SLC5A8: variants seen among roughly 807,000 people sequenced by gnomAD.
The protein encoded by SLC5A8 is sodium-coupled monocarboxylate transporter 1.
A neutral mutation model predicts 71.9 loss-of-function variants in SLC5A8; 55 were observed. That is an observed-to-expected ratio of 0.77 (90% CI 0.62 to 0.96). The LOEUF (loss-of-function observed/expected upper bound fraction) is 0.96. Among genes scored for constraint, SLC5A8 ranks in the 40% least tolerant of loss-of-function variants. The pLI, the probability that SLC5A8 is intolerant of heterozygous loss-of-function variation, is 0.00. For synonymous variants in SLC5A8, 307 were observed against 276.1 expected, an observed-to-expected ratio of 1.11 and a Z score of -1.11; for missense variants, 701 against 745.3, an observed-to-expected ratio of 0.94 and a Z score of 0.69.
intron 7 of SLC5A8, among the ~76,000 whole-genome samples, chr12:101,184,544 T>C (rs1342239540): frequency 1.3e-5 from 2 of 152,226 alleles, no homozygotes; most frequent in Admixed American, 6.5e-5. Flanking sequence ...TTAGATAATT[T>C]ATGTAAAACT....
chr12:101,188,744 C>A (rs1440794459), intron 6 of SLC5A8, among the ~76,000 whole-genome samples: 1 of 152,186 alleles, frequency 6.6e-6, no homozygotes, highest in East Asian at 1.9e-4. Flanking sequence ...TCAGATTTAT[C>A]CTTCTCCCTT....
chr12:101,185,582 TTTTG>T (rs935312888), intron 7 of SLC5A8, among the ~76,000 whole-genome samples: 216 of 152,146 alleles, frequency 1.4e-3, no homozygotes, highest in African/African-American at 5.0e-3. Context: ...TTTTTGTATT[TTTTG>T]TTTGTTTGTT....
chr12:101,194,728 C>T (rs1186316826), intron 4 of SLC5A8, among the ~76,000 whole-genome samples: 5 of 152,120 alleles, frequency 3.3e-5, no homozygotes, highest in Admixed American at 6.6e-5. Context: ...CCTTCCACCT[C>T]GGCCTCCCAA....
chr12:101,202,211 A>G lies in SLC5A8; in HGVS notation c.422T>C (p.Leu141Pro). ...GGCATAAATAACAATTCCAGTATAC[A>G]GAATCTAGGGGGGAGAAAGAAAGCC... is the stretch of plus-strand genomic sequence containing the variant. ...GTVLFIVQTILYTGIVIYAPA... is the reference protein window; with the variant it reads ...GTVLFIVQTIPYTGIVIYAPA... The change falls in exon 3 of 15, where the codon CTG (leucine) becomes CCG (proline). Residue 141 changes from leucine to proline, a missense_variant. Coordinates refer to ENST00000536262, the MANE Select transcript of SLC5A8 (RefSeq NM_145913.5). The G allele has an allele frequency of 6.3e-7, 1 of 1,598,664 alleles. No homozygotes were observed.
At chr12:101,163,329 T>C (rs562937875) in intron 12 of SLC5A8, among the ~76,000 whole-genome samples, 14 of 152,296 alleles carry the variant, frequency 9.2e-5, no homozygotes, top group African/African-American at 3.1e-4. Context: ...GAACAATATA[T>C]AAAACCTGGG....
intron 5 of SLC5A8, 82 bp from the exon 6 acceptor site, chr12:101,190,690 G>C (rs2137155568): frequency 1.5e-6 from 2 of 1,297,710 alleles, no homozygotes; most frequent in East Asian, 5.2e-5. Context: ...TTGGAAGCAA[G>C]CAATGCACAT....
intron 14 of SLC5A8, 127 bp from the exon 15 acceptor site, chr12:101,157,528 A>T (rs1439921611): frequency 2.6e-6 from 3 of 1,149,906 alleles, no homozygotes; most frequent in Non-Finnish European, 3.6e-6. Context: ...GAGGGAGAGA[A>T]ATATATAACA....
intron 10 of SLC5A8, among the ~76,000 whole-genome samples, chr12:101,174,729 T>G (rs2051863353): frequency 6.6e-6 from 1 of 152,154 alleles, no homozygotes; most frequent in Non-Finnish European, 1.5e-5. Flanking sequence ...ATATGTCTCA[T>G]AGTATTCTAC....
Position 101,162,044 on chromosome 12 carries a change from T to C in SLC5A8, c.1560A>G (p.Ser520=), listed in dbSNP as rs746362219. The C allele has an allele frequency of 1.9e-6, 3 of 1,613,594 alleles. No individual in the cohort carries two copies. Among genetic ancestry groups the C allele is most frequent in the Non-Finnish European group, 1.7e-6 (2 of 1,179,800 alleles). ...TPLMDNWYSL[S]YLYFSTVGTL... is the part of the protein sequence containing the mutation. Reference sequence around the variant, plus strand: ...TTCCAACAGTGCTGAAGTACAGATATGATAAAGAATACCAGTTATCCATCA... The same window carrying C: ...TTCCAACAGTGCTGAAGTACAGATACGATAAAGAATACCAGTTATCCATCA... Residue 520 remains serine, a synonymous_variant, in exon 13 of 15, where the codon TCA becomes TCG. Transcript: ENST00000536262.
chr12:101,192,130 A>G (rs2137157132), intron 5 of SLC5A8, among the ~76,000 whole-genome samples: 1 of 152,318 alleles, frequency 6.6e-6, no homozygotes, highest in East Asian at 1.9e-4. Context: ...CCATTTCTCC[A>G]TTAAATAGTC....
chr12:101,190,493 A>G lies in SLC5A8; in HGVS notation c.808T>C (p.Cys270Arg), dbSNP rs574745462. Reference protein sequence around the residue: ...NQSQVQRYISCKSRFQAKLSL... With the variant: ...NQSQVQRYISRKSRFQAKLSL... ...AGTTTTGCCTGGAATCTGCTTTTACAAGAAATATATCTCTGCACCTGGGAT... is the reference window on the plus strand; with the variant it reads ...AGTTTTGCCTGGAATCTGCTTTTACGAGAAATATATCTCTGCACCTGGGAT... The change falls in exon 6 of 15, where the codon TGT becomes CGT. Residue 270 changes from cysteine (C) to arginine (R), a missense_variant. Physicochemically the swap from Cys to Arg is radical, Grantham distance 180. Coordinates refer to ENST00000536262, the MANE Select transcript of SLC5A8 (RefSeq NM_145913.5). 6.2e-7 allele frequency: 1 copy of G among 1,612,626 alleles called. No individual in the cohort carries two copies. Among genetic ancestry groups the G allele is most frequent in the Non-Finnish European group, 8.5e-7 (1 of 1,179,458 alleles).
Position 101,193,816 on chromosome 12 carries a change from T to G in SLC5A8, c.538-37A>C, listed in dbSNP as rs944026293. 4 of 1,600,314 alleles carry G rather than the reference T, an allele frequency of 2.5e-6. No individual in the cohort carries two copies. The African/African-American group carries it at 4.0e-5, about 16-fold the overall frequency. On this transcript the variant is annotated intron_variant, in intron 4 of 14. Transcript: ENST00000536262. The stretch of plus-strand genomic sequence containing the variant: ...AAGTATATTAGGATTAATGCTTCTA[T>G]TAGACATTATTAAGCATCTACACAC...
At chr12:101,190,887 T>G (rs955133328) in intron 5 of SLC5A8, among the ~76,000 whole-genome samples, 1 of 152,114 alleles carries the variant, frequency 6.6e-6, no homozygotes, top group Non-Finnish European at 1.5e-5. Flanking sequence ...TCTCCTGTGA[T>G]CTAAGGAAAC....
At chr12:101,181,891 C>T (rs574190570) in intron 9 of SLC5A8, among the ~76,000 whole-genome samples, 38 of 152,250 alleles carry the variant, frequency 2.5e-4, no homozygotes, top group African/African-American at 7.7e-4. Context: ...ACAGTTGTGG[C>T]AATTTTACAT....
chr12:101,207,168 C>A (rs1444227755), intron 1 of SLC5A8, among the ~76,000 whole-genome samples: 1 of 152,228 alleles, frequency 6.6e-6, no homozygotes, highest in Non-Finnish European at 1.5e-5. Flanking sequence ...GAGGTGGATG[C>A]CTGCAGTGTG....
At chr12:101,178,084 C>T (rs1162712115) in intron 10 of SLC5A8, among the ~76,000 whole-genome samples, 1 of 152,106 alleles carries the variant, frequency 6.6e-6, no homozygotes, top group African/African-American at 2.4e-5. Context: ...TAAATATAAA[C>T]ACATCAATTT....
intron 13 of SLC5A8, among the ~76,000 whole-genome samples, chr12:101,158,584 CTCTCTCTCTCTCTCTATATATATA>C (rs1297169834): frequency 6.0e-4 from 28 of 46,818 alleles, no homozygotes; most frequent in African/African-American, 2.4e-3. Context: ...CTCTCTCTCT[CTCTCTCTCTCTCTCTATATATATA>C]TATATATATA....
At chr12:101,160,752 G>A (rs2051716269) in intron 13 of SLC5A8, among the ~76,000 whole-genome samples, 1 of 152,048 alleles carries the variant, frequency 6.6e-6, no homozygotes, top group Non-Finnish European at 1.5e-5. Context: ...TATTGGAAAA[G>A]TAAGTGAAAA....
chr12:101,179,664 C>A (rs1593371103), intron 10 of SLC5A8, among the ~76,000 whole-genome samples: 3 of 152,250 alleles, frequency 2.0e-5, no homozygotes, highest in African/African-American at 7.2e-5. Flanking sequence ...GTTGTGGCTA[C>A]AAATGGGCAA....
Sources: allele counts gnomAD v4.1 joint callset (sites outside exome capture counted in the v4.1 genomes callset), GRCh38; gene constraint gnomAD v4.1.1; transcripts MANE v1.5; gene names NCBI Gene and HGNC (gene_info 2026-07-23, HGNC 2026-07-21).